The following RBFOX1 variants were observed in gnomAD, a reference collection of about 807,000 sequenced individuals.
The protein encoded by RBFOX1 is RNA binding fox-1 homolog 1.
In RBFOX1, 8 loss-of-function variants were observed where a neutral mutation model predicts 57.7. The observed-to-expected ratio is 0.14, with a 90% CI of 0.08 to 0.25. RBFOX1 has a LOEUF of 0.25. Among genes scored for constraint, RBFOX1 ranks in the 10% least tolerant of loss-of-function variants. The pLI is 1.00. For missense variants in RBFOX1, 611 were observed against 548.5 expected (o/e 1.11, Z -1.14); for synonymous variants, 326 against 222.4 (o/e 1.47, Z -4.15).
At chr16:5,546,624 A>C (rs181679815) in intron 2 of RBFOX1, among the ~76,000 whole-genome samples, 1 of 152,242 alleles carries the variant, frequency 6.6e-6, no homozygotes, top group African/African-American at 2.4e-5. Context: ...TGCATCATAC[A>C]TTCAGATATA....
At chr16:5,739,780 C>G (rs2052710575) in intron 3 of RBFOX1, among the ~76,000 whole-genome samples, 1 of 152,230 alleles carries the variant, frequency 6.6e-6, no homozygotes, top group Non-Finnish European at 1.5e-5. Context: ...GAGCCACTGC[C>G]CCACGTTGGG....
At chr16:6,645,563 G>C (rs916187076) in intron 2 of RBFOX1, among the ~76,000 whole-genome samples, 52 of 152,218 alleles carry the variant, frequency 3.4e-4, no homozygotes, top group African/African-American at 1.3e-3. Context: ...TAGAAGAAAA[G>C]AAGTCTCTCT....
chr16:6,392,643 T>C (rs2092656547), intron 2 of RBFOX1, among the ~76,000 whole-genome samples: 1 of 152,216 alleles, frequency 6.6e-6, no homozygotes, highest in Non-Finnish European at 1.5e-5. Context: ...CTGGGACTAA[T>C]AGACCCCCCT....
At chr16:6,306,266 C>G (rs1191004290) in intron 1 of RBFOX1, among the ~76,000 whole-genome samples, 1 of 152,034 alleles carries the variant, frequency 6.6e-6, no homozygotes, top group Non-Finnish European at 1.5e-5. Context: ...GGAGGCTTTG[C>G]TAGGGAGGCA....
In RBFOX1 at chr16:7,604,151, TAG is replaced by T. The variant is rs549481671; in HGVS notation, c.623-3132_623-3131del. Among the ~76,000 whole-genome samples, 57 of 152,210 alleles carry T rather than the reference TAG, an allele frequency of 3.7e-4. No homozygotes were observed. In the East Asian group the frequency reaches 9.3e-3, roughly 25 times the overall value. On this transcript the variant is annotated intron_variant, in intron 9 of 15. Transcript: ENST00000550418. ...ATTTTATTTTGAGCAACCAAGTAGATAGATATGCCATTTGCTAAAGGGAGAAG... is the reference window on the plus strand; with the variant it reads ...ATTTTATTTTGAGCAACCAAGTAGATATATGCCATTTGCTAAAGGGAGAAG...
At chr16:5,995,578 G>C (rs562515250) in intron 4 of RBFOX1, among the ~76,000 whole-genome samples, 2 of 152,244 alleles carry the variant, frequency 1.3e-5, no homozygotes, top group Non-Finnish European at 2.9e-5. Flanking sequence ...AACTGTTGCT[G>C]TGAGGACTTA....
chr16:5,610,486 G>A (rs1028893462), intron 3 of RBFOX1: 2 of 152,190 alleles, frequency 1.3e-5, no homozygotes, highest in African/African-American at 2.4e-5. Context: ...ACCTAAAACT[G>A]TGGTCTTGGC....
intron 1 of RBFOX1, among the ~76,000 whole-genome samples, chr16:6,131,680 T>G (rs904359616): frequency 2.6e-5 from 4 of 152,236 alleles, no homozygotes; most frequent in Non-Finnish European, 5.9e-5. Context: ...GGTATTTTAC[T>G]GACTAATCTC....
At chr16:5,766,288 T>C (rs2053775109) in intron 3 of RBFOX1, among the ~76,000 whole-genome samples, 1 of 152,128 alleles carries the variant, frequency 6.6e-6, no homozygotes, top group South Asian at 2.1e-4. Context: ...TATCATGCAC[T>C]TTAAAATACA....
chr16:6,842,111 C>G (rs1445238420), intron 3 of RBFOX1, among the ~76,000 whole-genome samples: 1 of 151,344 alleles, frequency 6.6e-6, no homozygotes, highest in Non-Finnish European at 1.5e-5. Context: ...CCACTGCACT[C>G]CAGCCTGGGT....
chr16:6,486,364 G>C (rs1250302708), intron 2 of RBFOX1, among the ~76,000 whole-genome samples: 2 of 151,872 alleles, frequency 1.3e-5, no homozygotes, highest in African/African-American at 4.8e-5. Context: ...TAGATTTTGA[G>C]CACAGTTGTA....
intron 1 of RBFOX1, among the ~76,000 whole-genome samples, chr16:6,136,014 C>G (rs1471953628): frequency 1.3e-5 from 2 of 151,898 alleles, no homozygotes; most frequent in Non-Finnish European, 2.9e-5. Context: ...AGGCTGGTCT[C>G]GAACTCCTGA....
At chr16:5,264,248 A>G (rs983823258) in intron 1 of RBFOX1, among the ~76,000 whole-genome samples, 1 of 152,180 alleles carries the variant, frequency 6.6e-6, no homozygotes, top group Non-Finnish European at 1.5e-5. Flanking sequence ...ATCAAGGGGC[A>G]TTAGAATCAA....
intron 3 of RBFOX1, among the ~76,000 whole-genome samples, chr16:6,899,163 T>G (rs1472773877): frequency 7.0e-6 from 1 of 143,176 alleles, no homozygotes; most frequent in Non-Finnish European, 1.5e-5. Flanking sequence ...GTATGTAACA[T>G]GTGTATGTGT....
intron 1 of RBFOX1, among the ~76,000 whole-genome samples, chr16:6,302,875 G>T (rs1324312982): frequency 3.3e-5 from 5 of 152,100 alleles, no homozygotes; most frequent in Non-Finnish European, 5.9e-5. Context: ...CTAAGGGAGG[G>T]TTTTTAGGTA....
intron 3 of RBFOX1, among the ~76,000 whole-genome samples, chr16:5,759,031 G>A (rs1351564294): frequency 1.3e-5 from 2 of 152,190 alleles, no homozygotes; most frequent in Non-Finnish European, 2.9e-5. Context: ...GCAAATTCAT[G>A]AAACCTCCAT....
chr16:7,512,935 A>G (rs1456184774), intron 4 of RBFOX1, among the ~76,000 whole-genome samples: 1 of 152,192 alleles, frequency 6.6e-6, no homozygotes, highest in Non-Finnish European at 1.5e-5. Context: ...ACACAGGTCC[A>G]TGGTGTGTGT....
chr16:7,217,272 T>G (rs1205598155), intron 4 of RBFOX1, among the ~76,000 whole-genome samples: 1 of 92,296 alleles, frequency 1.1e-5, no homozygotes, highest in Non-Finnish European at 2.0e-5. Context: ...TGGCTAATTA[T>G]CTTTTTTTTT....
intron 4 of RBFOX1, among the ~76,000 whole-genome samples, chr16:7,209,331 G>T (rs2090649116): frequency 6.6e-6 from 1 of 152,008 alleles, no homozygotes. Context: ...GCGAAACTCT[G>T]TTTCAAATAA....
Sources: allele counts gnomAD v4.1 joint callset (sites outside exome capture counted in the v4.1 genomes callset), GRCh38; gene constraint gnomAD v4.1.1; transcripts MANE v1.5; gene names NCBI Gene and HGNC (gene_info 2026-07-23, HGNC 2026-07-21).